The following GRM7 variants were observed in gnomAD, a reference collection of about 807,000 sequenced individuals.
The protein encoded by GRM7 is glutamate metabotropic receptor 7, also known as metabotropic glutamate receptor 7.
Under a neutral mutation model 84.5 loss-of-function variants are expected in GRM7, and 35 were observed. That is an observed-to-expected ratio of 0.41 (90% CI 0.32 to 0.55). GRM7 has a LOEUF of 0.55. Among genes scored for constraint, GRM7 ranks in the 20% least tolerant of loss-of-function variants. The pLI is 0.19. For synonymous variants in GRM7, 487 were observed against 455.1 expected (o/e 1.07, Z -0.89); for missense variants, 1,003 against 1,194.6 (o/e 0.84, Z 2.36).
intron 1 of GRM7, among the ~76,000 whole-genome samples, chr3:6,888,720 T>A (rs1695807309): frequency 6.6e-6 from 1 of 152,156 alleles, no homozygotes; most frequent in African/African-American, 2.4e-5. Flanking sequence ...TGCGGGCTGT[T>A]TTTTGGTTCC....
chr3:7,703,053 G>C (rs1701278697), intron 9 of GRM7, among the ~76,000 whole-genome samples: 1 of 152,232 alleles, frequency 6.6e-6, no homozygotes, highest in South Asian at 2.1e-4. Flanking sequence ...CCTGGGATCT[G>C]TCACCCAGGA....
At chr3:7,547,573 C>CA (rs1338758329) in intron 7 of GRM7, among the ~76,000 whole-genome samples, 4 of 152,082 alleles carry the variant, frequency 2.6e-5, no homozygotes, top group Middle Eastern at 6.8e-3. Flanking sequence ...ATGGTGCTTC[C>CA]AAAAAAATCC....
At position 7,424,297 on chromosome 3, in the gene GRM7, C is replaced by CAA. The variant is rs137923591; in HGVS notation, c.1174+9143_1174+9144dup. On this transcript the variant is annotated intron_variant, in intron 5 of 9. Transcript: ENST00000357716. ...CCTACTTTTGGCCTTCGTTTAAAAC[C>CAA]AAAAAAAAAAGGAAAAAGAAAAAAG... 1.6e-3 allele frequency among the ~76,000 whole-genome samples: 227 copies of CAA among 141,382 alleles called. 1 individual carries two copies. Among genetic ancestry groups the CAA allele is most frequent in the Non-Finnish European group, 1.1e-3 (68 of 64,430 alleles). 92.8% of individuals were successfully genotyped at this position (141,382 alleles called of 152,430 possible).
At chr3:7,300,297 C>T (rs192476319) in intron 3 of GRM7, among the ~76,000 whole-genome samples, 50 of 152,312 alleles carry the variant, frequency 3.3e-4, no homozygotes, top group Admixed American at 2.9e-3. Context: ...CTGTCTCTTT[C>T]CCTGCTTTGT....
chr3:7,176,487 C>T (rs566693853), intron 2 of GRM7, among the ~76,000 whole-genome samples: 3 of 152,136 alleles, frequency 2.0e-5, no homozygotes, highest in Admixed American at 6.6e-5. Context: ...CTCATCCTTT[C>T]GTCTTTATTC....
At chr3:7,041,872 G>A (rs1249570831) in intron 1 of GRM7, among the ~76,000 whole-genome samples, 2 of 152,208 alleles carry the variant, frequency 1.3e-5, no homozygotes, top group African/African-American at 2.4e-5. Context: ...CTAAGGAGGG[G>A]CAAGGGGGCA....
chr3:7,670,951 G>A (rs1284640265), intron 8 of GRM7, among the ~76,000 whole-genome samples: 1 of 152,176 alleles, frequency 6.6e-6, no homozygotes, highest in Non-Finnish European at 1.5e-5. Context: ...TAGGGAAAAT[G>A]CTGTGCTTTT....
At chr3:7,165,962 C>T (rs1170697305) in intron 2 of GRM7, among the ~76,000 whole-genome samples, 1 of 152,194 alleles carries the variant, frequency 6.6e-6, no homozygotes. Flanking sequence ...TATGTTATTT[C>T]TTTAATGTTA....
intron 5 of GRM7, among the ~76,000 whole-genome samples, chr3:7,446,921 T>C (rs531358582): frequency 1.3e-5 from 2 of 152,200 alleles, no homozygotes; most frequent in Non-Finnish European, 2.9e-5. Context: ...AGAAAAGATC[T>C]TCCCCATAGC....
At chr3:7,523,484 G>T (rs1480361063) in intron 7 of GRM7, among the ~76,000 whole-genome samples, 1 of 152,116 alleles carries the variant, frequency 6.6e-6, no homozygotes. Context: ...TCTCCGAGCT[G>T]GTAGAAGTGT....
At chr3:7,318,849 T>C (rs1700672839) in intron 4 of GRM7, among the ~76,000 whole-genome samples, 1 of 152,078 alleles carries the variant, frequency 6.6e-6, no homozygotes, top group Non-Finnish European at 1.5e-5. Flanking sequence ...TCTGAGAAAA[T>C]TACTTCCTTA....
intron 1 of GRM7, among the ~76,000 whole-genome samples, chr3:7,009,523 T>C (rs1015780011): frequency 1.3e-5 from 2 of 152,330 alleles, no homozygotes; most frequent in South Asian, 4.1e-4. Context: ...AAGTATGATA[T>C]AAAGTAGACC....
Position 6,997,744 on chromosome 3 carries a change from G to A in GRM7, c.519+135837G>A, listed in dbSNP as rs1694873103. On this transcript the variant is annotated intron_variant, in intron 1 of 9. Coordinates refer to ENST00000357716, the MANE Select transcript of GRM7 (RefSeq NM_000844.4). ...CACACCTTCCCAACAGTTCCCCAAAGTCTTAACTCATTCCAGCATTCGTCC... is the reference window on the plus strand; with the variant it reads ...CACACCTTCCCAACAGTTCCCCAAAATCTTAACTCATTCCAGCATTCGTCC... Among the ~76,000 whole-genome samples the A allele has an allele frequency of 3.3e-5, 5 of 152,244 alleles. No homozygotes were observed. The South Asian group carries it at 1.0e-3, about 32-fold the overall frequency.
At chr3:7,122,814 G>A (rs1574932778) in intron 1 of GRM7, among the ~76,000 whole-genome samples, 1 of 152,180 alleles carries the variant, frequency 6.6e-6, no homozygotes, top group Non-Finnish European at 1.5e-5. Context: ...TTTTCAAAAA[G>A]AATAGTTCCC....
intron 4 of GRM7, among the ~76,000 whole-genome samples, chr3:7,363,888 G>A (rs892173355): frequency 1.3e-5 from 2 of 151,866 alleles, no homozygotes; most frequent in African/African-American, 4.8e-5. Flanking sequence ...ATCTTTGTTT[G>A]TTATTCTAAT....
chr3:6,887,992 C>T (rs766869806), intron 1 of GRM7, among the ~76,000 whole-genome samples: 54 of 152,166 alleles, frequency 3.5e-4, no homozygotes, highest in Admixed American at 7.2e-4. Flanking sequence ...TGATGGTGAG[C>T]ATTTTTTCAT....
At chr3:7,079,496 G>C (rs537349155) in intron 1 of GRM7, among the ~76,000 whole-genome samples, 7 of 151,540 alleles carry the variant, frequency 4.6e-5, no homozygotes, top group Admixed American at 1.3e-4. Flanking sequence ...ACAAATGATT[G>C]GTACGTTTGA....
At chr3:7,371,114 A>G (rs1029049648) in intron 4 of GRM7, among the ~76,000 whole-genome samples, 3 of 152,176 alleles carry the variant, frequency 2.0e-5, no homozygotes, top group Admixed American at 1.3e-4. Flanking sequence ...TGCCCAGGCT[A>G]TATATTCTAA....
chr3:6,924,267 C>T (rs1697225148), intron 1 of GRM7, among the ~76,000 whole-genome samples: 2 of 152,040 alleles, frequency 1.3e-5, no homozygotes, highest in Admixed American at 1.3e-4. Context: ...CTGTGAAGAC[C>T]CTCTGAAGGC....
Sources: allele counts gnomAD v4.1 joint callset (sites outside exome capture counted in the v4.1 genomes callset), GRCh38; gene constraint gnomAD v4.1.1; transcripts MANE v1.5; gene names NCBI Gene and HGNC (gene_info 2026-07-23, HGNC 2026-07-21).